Variants in RAP2A observed in about 807,000 individuals in gnomAD.
RAP2A encodes RAP2A, member of RAS oncogene family, also known as ras-related protein Rap-2a.
RAP2A carries 5 observed loss-of-function variants against 15.1 expected under a neutral mutation model. The ratio of observed to expected loss-of-function variants is 0.33; its 90% CI spans 0.17 to 0.70. The LOEUF is 0.70. Ranked by LOEUF, RAP2A falls within the 30% of genes least tolerant of loss-of-function variation. RAP2A has a pLI of 0.68. For synonymous variants in RAP2A, 110 were observed against 99.7 expected (o/e 1.10, Z -0.62); for missense variants, 111 against 240.3 (o/e 0.46, Z 3.56).
At chr13:97,439,511 A>C (rs1452067702) in intron 1 of RAP2A, among the ~76,000 whole-genome samples, 1 of 152,216 alleles carries the variant, frequency 6.6e-6, no homozygotes, top group Admixed American at 6.5e-5. Context: ...TGAAATGAAC[A>C]AATAGGATTA....
At chr13:97,437,806 A>G (rs991205907) in intron 1 of RAP2A, among the ~76,000 whole-genome samples, 1 of 152,250 alleles carries the variant, frequency 6.6e-6, no homozygotes, top group Non-Finnish European at 1.5e-5. Flanking sequence ...GCAATAATGC[A>G]TAGCACTAAT....
intron 1 of RAP2A, among the ~76,000 whole-genome samples, chr13:97,449,822 C>T (rs1189691488): frequency 6.6e-6 from 1 of 152,140 alleles, no homozygotes; most frequent in African/African-American, 2.4e-5. Context: ...GTTGAACCAA[C>T]CAGTTACAAC....
In RAP2A at chr13:97,468,297, ATAAT is replaced by A. The variant is rs2066781345; in HGVS notation, c.*3859_*3862del. The A allele has an allele frequency of 6.6e-6, 1 of 152,252 alleles. No homozygotes were observed. The highest frequency in any genetic ancestry group is 2.1e-4 in the South Asian group (1 of 4,832). The allele number at this position is 152,252 out of a possible 1,614,324, so 9.4% of individuals were successfully genotyped here. On this transcript the variant is annotated 3_prime_UTR_variant, in exon 2 of 2. Transcript: ENST00000245304. Reference sequence around the variant, plus strand: ...TGCTAAGGTTAACAGAATTGTTCAAATAATTAACATTAATTAGCAATATCACTAA... The same window carrying A: ...TGCTAAGGTTAACAGAATTGTTCAAATAACATTAATTAGCAATATCACTAA...
At chr13:97,452,634 TCACACACACACACACGCA>T (rs2066706459) in intron 1 of RAP2A, among the ~76,000 whole-genome samples, 1 of 113,832 alleles carries the variant, frequency 8.8e-6, no homozygotes, top group Non-Finnish European at 2.0e-5. Context: ...CAAGAATCAG[TCACACACACACACACGCA>T]CACACACACA....
At chr13:97,449,182 C>G (rs2153179657) in intron 1 of RAP2A, among the ~76,000 whole-genome samples, 1 of 152,292 alleles carries the variant, frequency 6.6e-6, no homozygotes, top group East Asian at 1.9e-4. Flanking sequence ...TGTCTGCTTA[C>G]AGATAGGCTT....
intron 1 of RAP2A, among the ~76,000 whole-genome samples, chr13:97,439,681 G>A (rs1191223843): frequency 6.6e-6 from 1 of 152,154 alleles, no homozygotes; most frequent in Non-Finnish European, 1.5e-5. Flanking sequence ...GATTGGGAGA[G>A]TAGATGAAAC....
At position 97,469,011 on chromosome 13, in the gene RAP2A, T is replaced by G. The variant is rs982213916; in HGVS notation, c.*4569T>G. ...TGACCTCGTTTCTTAATTTAAAATATGTTGCCACATAAATACTAATAAAAC... is the reference window on the plus strand; with the variant it reads ...TGACCTCGTTTCTTAATTTAAAATAGGTTGCCACATAAATACTAATAAAAC... On this transcript the variant is annotated 3_prime_UTR_variant, in exon 2 of 2. Transcript: ENST00000245304. 1 of 152,238 alleles carries G rather than the reference T, an allele frequency of 6.6e-6. No individual in the cohort carries two copies. Among genetic ancestry groups the G allele is most frequent in the Admixed American group, 6.5e-5 (1 of 15,282 alleles). 9.4% of individuals were successfully genotyped at this position (152,238 alleles called of 1,614,324 possible). A position where few individuals can be genotyped will look rare whatever the true frequency, so the allele number is the denominator to read the frequency against.
chr13:97,455,112 A>G (rs1039263688), intron 1 of RAP2A, among the ~76,000 whole-genome samples: 41 of 151,056 alleles, frequency 2.7e-4, no homozygotes, highest in African/African-American at 1.0e-3. Context: ...TATTTTTTCA[A>G]TCTTTTTTCT....
At position 97,464,531 on chromosome 13, in the gene RAP2A, C is replaced by A; in HGVS notation, c.*89C>A. 1 of 1,207,340 alleles carries A rather than the reference C, an allele frequency of 8.3e-7. No homozygotes were observed. The highest frequency in any genetic ancestry group is 1.2e-6 in the Non-Finnish European group (1 of 826,024). The allele number at this position is 1,207,340 out of a possible 1,614,324, so 74.8% of individuals were successfully genotyped here. A position where few individuals can be genotyped will look rare whatever the true frequency, so the allele number is the denominator to read the frequency against. Reference sequence around the variant, plus strand: ...ACTCCACTGCAGAACTTGCAGAATGCGTGGTGTTAATCTACAGAGAACTGC... The same window carrying A: ...ACTCCACTGCAGAACTTGCAGAATGAGTGGTGTTAATCTACAGAGAACTGC... On this transcript the variant is annotated 3_prime_UTR_variant, in exon 2 of 2. Coordinates refer to ENST00000245304, the MANE Select transcript of RAP2A (RefSeq NM_021033.7).
chr13:97,437,671 A>C (rs2153178987), intron 1 of RAP2A: 1 of 152,366 alleles, frequency 6.6e-6, no homozygotes, highest in Non-Finnish European at 1.5e-5. Context: ...ATGAGACTAA[A>C]AAGCAATGAG....
rs750005914 is a variant in RAP2A at position 97,464,556 on chromosome 13, C to T, written c.*114C>T. 8 of 962,518 alleles carry T rather than the reference C, an allele frequency of 8.3e-6. No individual in the cohort carries two copies. Among genetic ancestry groups the T allele is most frequent in the Non-Finnish European group, 1.3e-5 (8 of 622,506 alleles). The allele number at this position is 962,518 out of a possible 1,614,324, so 59.6% of individuals were successfully genotyped here. ...CGTGGTGTTAATCTACAGAGAACTG[C>T]AGCCCTTATTCAGAATTGAGCAGTG... On this transcript the variant is annotated 3_prime_UTR_variant, in exon 2 of 2. Transcript: ENST00000245304.
chr13:97,444,104 T>G (rs2066669588), intron 1 of RAP2A, among the ~76,000 whole-genome samples: 1 of 152,220 alleles, frequency 6.6e-6, no homozygotes, highest in Admixed American at 6.5e-5. Context: ...ATACCTAGTA[T>G]AGTATAACAT....
chr13:97,445,619 G>T (rs2066676319), intron 1 of RAP2A, among the ~76,000 whole-genome samples: 1 of 152,170 alleles, frequency 6.6e-6, no homozygotes, highest in South Asian at 2.1e-4. Context: ...TAGTTTTGGA[G>T]TGCTGTTACC....
chr13:97,434,564 T>TA lies in RAP2A; in HGVS notation c.95dup (p.Tyr32Ter). Residue 32 changes from tyrosine to a stop codon, truncating the protein, a stop_gained and frameshift_variant, in exon 1 of 2, where the codon TAC becomes TAAC. Coordinates refer to ENST00000245304, the MANE Select transcript of RAP2A (RefSeq NM_021033.7). LOFTEE classifies it high-confidence loss of function. ...QFVTGTFIEK[Y>*]DPTIEDFYRK... ...CGTGACCGGCACCTTCATCGAGAAA[T>TA]ACGACCCCACCATCGAGGACTTCTA... 2.5e-6 allele frequency: 4 copies of TA among 1,613,952 alleles called. No individual in the cohort carries two copies. Among genetic ancestry groups the TA allele is most frequent in the Non-Finnish European group, 3.4e-6 (4 of 1,179,962 alleles).
chr13:97,453,419 G>T, intron 1 of RAP2A, among the ~76,000 whole-genome samples: 1 of 151,078 alleles, frequency 6.6e-6, no homozygotes, highest in Middle Eastern at 3.2e-3. Context: ...CCATTGGTCT[G>T]TTCTCCTTTT....
At chr13:97,450,539 A>G (rs1594325031) in intron 1 of RAP2A, among the ~76,000 whole-genome samples, 1 of 152,274 alleles carries the variant, frequency 6.6e-6, no homozygotes, top group South Asian at 2.1e-4. Flanking sequence ...CTTTGTTGAC[A>G]GATTTTTAAA....
chr13:97,434,463 G>A lies in RAP2A; in HGVS notation c.-8G>A, dbSNP rs1594320276. The A allele has an allele frequency of 1.3e-6, 2 of 1,586,032 alleles. No individual in the cohort carries two copies. Among genetic ancestry groups the A allele is most frequent in the South Asian group, 1.1e-5 (1 of 88,128 alleles). On this transcript the variant is annotated 5_prime_UTR_variant, in exon 1 of 2. Transcript: ENST00000245304. The stretch of plus-strand genomic sequence containing the variant: ...GGCGGCGGCGGCGGCGGCGGCCGCG[G>A]AGGGACGATGCGCGAGTACAAAGTG...
chr13:97,442,841 G>A (rs1322169943), intron 1 of RAP2A, among the ~76,000 whole-genome samples: 1 of 152,184 alleles, frequency 6.6e-6, no homozygotes, highest in African/African-American at 2.4e-5. Flanking sequence ...CCCAATGTGA[G>A]TTAGTAAATA....
chr13:97,464,723 G>A lies in RAP2A; in HGVS notation c.*281G>A. 2.6e-6 allele frequency: 1 copy of A among 388,124 alleles called. No individual in the cohort carries two copies. Among genetic ancestry groups the A allele is most frequent in the Non-Finnish European group, 4.6e-6 (1 of 216,048 alleles). The allele number at this position is 388,124 out of a possible 1,614,324, so 24.0% of individuals were successfully genotyped here. A position where few individuals can be genotyped will look rare whatever the true frequency, so the allele number is the denominator to read the frequency against. On this transcript the variant is annotated 3_prime_UTR_variant, in exon 2 of 2. Transcript: ENST00000245304. Reference sequence around the variant, plus strand: ...GTGATCTCATTTGAAAGCTATGATGGCATTGTCGCTGAGTTGACAGAAGCA... The same window carrying A: ...GTGATCTCATTTGAAAGCTATGATGACATTGTCGCTGAGTTGACAGAAGCA...
Sources: allele counts gnomAD v4.1 joint callset (sites outside exome capture counted in the v4.1 genomes callset), GRCh38; gene constraint gnomAD v4.1.1; transcripts MANE v1.5; gene names NCBI Gene and HGNC (gene_info 2026-07-23, HGNC 2026-07-21).